Variants in CNTNAP5 observed in about 807,000 individuals in gnomAD.
The protein encoded by CNTNAP5 is contactin associated protein family member 5.
CNTNAP5 carries 72 observed loss-of-function variants against 150.2 expected under a neutral mutation model. The ratio of observed to expected loss-of-function variants is 0.48; its 90% confidence interval spans 0.40 to 0.58. The LOEUF is 0.58. Among genes scored for constraint, CNTNAP5 ranks in the 20% least tolerant of loss-of-function variants. The pLI is 0.00. For missense variants in CNTNAP5, 1,636 were observed against 1,626.2 expected, an observed-to-expected ratio of 1.01 and a Z score of -0.10; for synonymous variants, 672 against 619.8, an observed-to-expected ratio of 1.08 and a Z score of -1.25.
At chr2:124,576,521 G>GGGC (rs1340924040) in intron 11 of CNTNAP5, among the ~76,000 whole-genome samples, 4 of 152,180 alleles carry the variant, frequency 2.6e-5, no homozygotes, top group Admixed American at 2.6e-4. Flanking sequence ...AGGAGAAGCT[G>GGGC]GGCTCTCTGG....
At chr2:124,189,730 G>T (rs1242176310) in intron 1 of CNTNAP5, among the ~76,000 whole-genome samples, 1 of 152,132 alleles carries the variant, frequency 6.6e-6, no homozygotes, top group Non-Finnish European at 1.5e-5. Context: ...TTAAGAATTG[G>T]CAAGACTTTT....
In CNTNAP5 at chr2:124,259,250, G is replaced by T. The variant is rs551857343; in HGVS notation, c.381+16857G>T. Among the ~76,000 whole-genome samples the T allele has an allele frequency of 3.0e-4, 46 of 152,094 alleles. No individual in the cohort carries two copies. The South Asian group carries it at 8.7e-3, about 29-fold the overall frequency. ...TATGTGCCACATTTTCTTAATCCAG[G>T]CTATCATTGATGGACATCTGGATTG... On this transcript the variant is annotated intron_variant, in intron 3 of 23. Transcript: ENST00000682447.
At chr2:124,585,161 A>G (rs532424578) in intron 11 of CNTNAP5, among the ~76,000 whole-genome samples, 1 of 152,206 alleles carries the variant, frequency 6.6e-6, no homozygotes. Context: ...GATGGCTGGT[A>G]CATGAAGCTG....
At chr2:124,053,143 T>G (rs956726527) in intron 1 of CNTNAP5, among the ~76,000 whole-genome samples, 7 of 152,128 alleles carry the variant, frequency 4.6e-5, no homozygotes, top group Non-Finnish European at 1.0e-4. Context: ...GAGAACTGTC[T>G]ATAACTGAGG....
chr2:124,186,391 C>T (rs1685332242), intron 1 of CNTNAP5, among the ~76,000 whole-genome samples: 1 of 152,094 alleles, frequency 6.6e-6, no homozygotes, highest in Non-Finnish European at 1.5e-5. Flanking sequence ...TTGTATATGA[C>T]TTTAAGTCTA....
At chr2:124,336,385 T>G (rs1689468277) in intron 3 of CNTNAP5, among the ~76,000 whole-genome samples, 1 of 152,138 alleles carries the variant, frequency 6.6e-6, no homozygotes, top group African/African-American at 2.4e-5. Flanking sequence ...TCTTTTTTTT[T>G]CATTATACTT....
intron 19 of CNTNAP5, among the ~76,000 whole-genome samples, chr2:124,848,333 G>T (rs1412179778): frequency 1.3e-5 from 2 of 152,062 alleles, no homozygotes; most frequent in Non-Finnish European, 2.9e-5. Flanking sequence ...TATCATCCAT[G>T]TTATTGAGAA....
At chr2:124,800,117 G>A (rs994772033) in intron 19 of CNTNAP5, among the ~76,000 whole-genome samples, 2 of 152,204 alleles carry the variant, frequency 1.3e-5, no homozygotes, top group African/African-American at 4.8e-5. Flanking sequence ...GTAATCTATG[G>A]CACAGTGGGG....
intron 13 of CNTNAP5, among the ~76,000 whole-genome samples, chr2:124,712,399 G>C (rs1679825958): frequency 6.6e-6 from 1 of 152,186 alleles, no homozygotes; most frequent in African/African-American, 2.4e-5. Flanking sequence ...TCAGGATTTT[G>C]ACAAAGGTAA....
intron 3 of CNTNAP5, among the ~76,000 whole-genome samples, chr2:124,300,024 G>A (rs753124359): frequency 8.5e-5 from 13 of 152,212 alleles, no homozygotes; most frequent in Admixed American, 2.0e-4. Context: ...GAGAACACAT[G>A]TAATATTTGG....
intron 3 of CNTNAP5, among the ~76,000 whole-genome samples, chr2:124,312,724 C>T (rs551022872): frequency 6.6e-6 from 1 of 152,328 alleles, no homozygotes; most frequent in South Asian, 2.1e-4. Flanking sequence ...GCGCTCGCCA[C>T]AGCACCCGGC....
rs79394211 is a variant in CNTNAP5, at chr2:124,568,276, G to A, written c.1756+4953G>A. Among the ~76,000 whole-genome samples, 847 of 152,284 alleles carry A rather than the reference G, an allele frequency of 5.6e-3. 8 individuals are homozygous for A. The highest frequency in any genetic ancestry group is 0.019 in the African/African-American group (799 of 41,554). On this transcript the variant is annotated intron_variant, in intron 11 of 23. Coordinates refer to ENST00000682447, the MANE Select transcript of CNTNAP5 (RefSeq NM_001367498.1). ...AATAATCATGAAAGCATTATGGAAG[G>A]AAGTAGAATGACTTGGAGGACATCT...
At chr2:124,844,792 G>A (rs1470999192) in intron 19 of CNTNAP5, among the ~76,000 whole-genome samples, 1 of 152,020 alleles carries the variant, frequency 6.6e-6, no homozygotes, top group African/African-American at 2.4e-5. Context: ...CAGCAGAGTA[G>A]CAGAGCTACT....
At chr2:124,447,352 G>A (rs1055347752) in intron 6 of CNTNAP5, among the ~76,000 whole-genome samples, 1 of 152,150 alleles carries the variant, frequency 6.6e-6, no homozygotes, top group Admixed American at 6.5e-5. Context: ...ACTACCCTTT[G>A]ACTTTCATTC....
chr2:124,683,103 A>G (rs1399947716), intron 13 of CNTNAP5, among the ~76,000 whole-genome samples: 1 of 152,074 alleles, frequency 6.6e-6, no homozygotes, highest in Non-Finnish European at 1.5e-5. Context: ...TGAAAGCAAT[A>G]ATTTTGGTGT....
At chr2:124,745,595 T>C (rs890448546) in intron 13 of CNTNAP5, among the ~76,000 whole-genome samples, 3 of 152,188 alleles carry the variant, frequency 2.0e-5, no homozygotes, top group African/African-American at 2.4e-5. Context: ...TATTTTACAG[T>C]GATTTACAGT....
At chr2:124,231,054 C>G (rs1171548127) in intron 2 of CNTNAP5, among the ~76,000 whole-genome samples, 1 of 152,152 alleles carries the variant, frequency 6.6e-6, no homozygotes, top group South Asian at 2.1e-4. Flanking sequence ...GGGACATCCA[C>G]CAGGAGCTTG....
chr2:124,882,272 G>T (rs899701692), intron 21 of CNTNAP5, among the ~76,000 whole-genome samples: 3 of 152,084 alleles, frequency 2.0e-5, no homozygotes, highest in African/African-American at 7.2e-5. Context: ...GAACCACTCA[G>T]CCCACTGACC....
chr2:124,734,904 A>C (rs1680350871), intron 13 of CNTNAP5, among the ~76,000 whole-genome samples: 1 of 152,180 alleles, frequency 6.6e-6, no homozygotes, highest in Admixed American at 6.5e-5. Context: ...CCTTGTAATT[A>C]GTGATTCTAA....
Sources: gnomAD v4.1 joint callset for allele counts (sites outside exome capture counted in the v4.1 genomes callset) on GRCh38, gnomAD v4.1.1 for gene constraint, MANE v1.5 for transcripts, NCBI Gene and HGNC (gene_info 2026-07-23, HGNC 2026-07-21) for gene names.